The following MEIS1 variants were observed in gnomAD, a reference collection of about 807,000 sequenced individuals.
The protein encoded by MEIS1 is homeobox protein Meis1.
In MEIS1, 5 loss-of-function variants were observed where a neutral mutation model predicts 50.8. The ratio of observed to expected loss-of-function variants is 0.10; its 90% CI spans 0.05 to 0.21. The LOEUF (loss-of-function observed/expected upper bound fraction) is 0.21, where lower values mean the gene tolerates loss of function less well. MEIS1 is among the 10% of genes least tolerant of loss of function. The pLI, the probability that MEIS1 is intolerant of heterozygous loss-of-function variation, is 1.00. For synonymous variants in MEIS1, 176 were observed against 179.3 expected, an observed-to-expected ratio of 0.98 and a Z score of 0.15; for missense variants, 318 against 517.3, an observed-to-expected ratio of 0.61 and a Z score of 3.74.
At chr2:66,484,529 A>G (rs1007683685) in intron 7 of MEIS1, among the ~76,000 whole-genome samples, 1 of 152,112 alleles carries the variant, frequency 6.6e-6, no homozygotes, top group Non-Finnish European at 1.5e-5. Flanking sequence ...TTTTTACAAA[A>G]GGAATTTTCT....
At chr2:66,446,981 T>C (rs1672167407) in intron 6 of MEIS1, among the ~76,000 whole-genome samples, 1 of 143,414 alleles carries the variant, frequency 7.0e-6, no homozygotes, top group African/African-American at 2.6e-5. Flanking sequence ...AGGTAGAACT[T>C]TGACAGAAAA....
chr2:66,548,757 G>A (rs1674850710), intron 9 of MEIS1, among the ~76,000 whole-genome samples: 1 of 151,972 alleles, frequency 6.6e-6, no homozygotes, highest in East Asian at 1.9e-4. Context: ...ATATTTGAAG[G>A]GTATCGAAAT....
chr2:66,444,663 C>G (rs910910871), intron 6 of MEIS1, among the ~76,000 whole-genome samples: 6 of 152,202 alleles, frequency 3.9e-5, no homozygotes, highest in African/African-American at 9.6e-5. Flanking sequence ...TTGGCCCCCG[C>G]GGGCGGCCCG....
Position 66,572,649 on chromosome 2 carries a change from C to T in MEIS1, c.*1441C>T, listed in dbSNP as rs114247424. 7.2e-5 allele frequency: 11 copies of T among 152,182 alleles called. No individual in the cohort carries two copies. The highest frequency in any genetic ancestry group is 2.4e-4 in the African/African-American group (10 of 41,536). 9.4% of individuals were successfully genotyped at this position (152,182 alleles called of 1,614,324 possible). On this transcript the variant is annotated 3_prime_UTR_variant, in exon 13 of 13. Coordinates refer to ENST00000272369, the MANE Select transcript of MEIS1 (RefSeq NM_002398.3). ...ACAATCATTGCACACTGAGTCTTAG[C>T]GTTTCTGATGGAAACAGTTTGGATT...
chr2:66,465,376 C>T (rs17032103), intron 7 of MEIS1, among the ~76,000 whole-genome samples: 14,522 of 152,152 alleles, frequency 0.095, 886 homozygotes, highest in South Asian at 0.25. Flanking sequence ...TGGTTCAGAG[C>T]TGAGAGGTAA....
Position 66,505,178 on chromosome 2 carries a change from G to T in MEIS1, c.743-6971G>T, listed in dbSNP as rs572150303. On this transcript the variant is annotated intron_variant, in intron 7 of 12. Coordinates refer to ENST00000272369, the MANE Select transcript of MEIS1 (RefSeq NM_002398.3). ...GACAGATAATCCAAGCACTTGGAAGGCTGAGGCAGGAGGTTGCTTGAGGCC... is the reference window on the plus strand; with the variant it reads ...GACAGATAATCCAAGCACTTGGAAGTCTGAGGCAGGAGGTTGCTTGAGGCC... Among the ~76,000 whole-genome samples, 5 of 152,286 alleles carry T rather than the reference G, an allele frequency of 3.3e-5. No individual in the cohort carries two copies. The East Asian group carries it at 9.7e-4, about 29-fold the overall frequency.
intron 12 of MEIS1, chr2:66,569,562 A>T (rs1242379258): frequency 6.5e-6 from 1 of 153,162 alleles, no homozygotes; most frequent in Admixed American, 6.5e-5. Flanking sequence ...CAAGACACCG[A>T]AAAGCTAAAC....
At chr2:66,563,614 CACAA>C (rs1230183170) in intron 9 of MEIS1, among the ~76,000 whole-genome samples, 1 of 152,052 alleles carries the variant, frequency 6.6e-6, no homozygotes, top group Non-Finnish European at 1.5e-5. Context: ...AGCATTCTGT[CACAA>C]AAGCAGGGAG....
chr2:66,440,326 A>G lies in MEIS1; in HGVS notation c.382-236A>G, dbSNP rs1268336619. 1.2e-5 allele frequency: 7 copies of G among 600,598 alleles called. No homozygotes were observed. In the Admixed American group the frequency reaches 1.2e-4, roughly 10 times the overall value. The allele number at this position is 600,598 out of a possible 1,614,324, so 37.2% of individuals were successfully genotyped here. ...CGGCGGTCTGAGCAGCCTCCCCGAG[A>G]GCCGTAGTTGCTAGTAGAAGTAAGA... On this transcript the variant is annotated intron_variant, in intron 3 of 12. Coordinates refer to ENST00000272369, the MANE Select transcript of MEIS1 (RefSeq NM_002398.3).
At chr2:66,502,582 TG>T (rs1375633042) in intron 7 of MEIS1, among the ~76,000 whole-genome samples, 1 of 152,158 alleles carries the variant, frequency 6.6e-6, no homozygotes, top group Non-Finnish European at 1.5e-5. Context: ...TCAACAAGCC[TG>T]AAACGATGGA....
intron 8 of MEIS1, among the ~76,000 whole-genome samples, chr2:66,519,111 G>A (rs144633945): frequency 4.0e-4 from 61 of 152,236 alleles, no homozygotes; most frequent in African/African-American, 1.3e-3. Flanking sequence ...AAGTAGCCTT[G>A]TCCAAGGTTC....
chr2:66,487,827 CT>C (rs752747363), intron 7 of MEIS1, among the ~76,000 whole-genome samples: 10 of 152,296 alleles, frequency 6.6e-5, no homozygotes, highest in Non-Finnish European at 1.2e-4. Context: ...TGAAAGTTTG[CT>C]TACAAACCTA....
chr2:66,568,862 G>A (rs1448614674), intron 11 of MEIS1, 106 bp downstream of exon 11: 2 of 1,197,352 alleles, frequency 1.7e-6, no homozygotes, highest in South Asian at 1.2e-5. Flanking sequence ...TCTCAAGCTG[G>A]CTGCCTTGCC....
intron 6 of MEIS1, among the ~76,000 whole-genome samples, chr2:66,445,830 TTC>T (rs1299499985): frequency 2.6e-5 from 4 of 152,150 alleles, no homozygotes; most frequent in Non-Finnish European, 5.9e-5. Flanking sequence ...TTTTTCTTTC[TTC>T]TCTCTTTCCT....
intron 6 of MEIS1, among the ~76,000 whole-genome samples, chr2:66,452,672 T>A (rs1157241197): frequency 6.6e-6 from 1 of 151,924 alleles, no homozygotes; most frequent in African/African-American, 2.4e-5. Context: ...AGTTGCAGAA[T>A]TATTTAACCC....
At chr2:66,452,896 CAG>C (rs1360713000) in intron 6 of MEIS1, among the ~76,000 whole-genome samples, 2 of 151,860 alleles carry the variant, frequency 1.3e-5, no homozygotes, top group Non-Finnish European at 2.9e-5. Context: ...CACAAAATAA[CAG>C]AGAGATACAG....
At chr2:66,439,430 C>A in intron 2 of MEIS1, 1 of 1,311,250 alleles carries the variant, frequency 7.6e-7, no homozygotes, top group Non-Finnish European at 9.7e-7. Flanking sequence ...GAGGAACCCG[C>A]AGGAACCAGC....
chr2:66,458,573 A>G (rs1672448317), intron 6 of MEIS1, among the ~76,000 whole-genome samples: 1 of 152,206 alleles, frequency 6.6e-6, no homozygotes, highest in Non-Finnish European at 1.5e-5. Flanking sequence ...TTGACAATTT[A>G]CATATGTTAT....
chr2:66,531,780 C>G (rs12621948), intron 8 of MEIS1, among the ~76,000 whole-genome samples: 32,390 of 152,146 alleles, frequency 0.21, 4,270 homozygotes, highest in Non-Finnish European at 0.28. Context: ...AGACCCCAGG[C>G]CTGACTGCAG....
Sources: allele counts gnomAD v4.1 joint callset (sites outside exome capture counted in the v4.1 genomes callset), GRCh38; gene constraint gnomAD v4.1.1; transcripts MANE v1.5; gene names NCBI Gene and HGNC (gene_info 2026-07-23, HGNC 2026-07-21).